TEX14: variants seen among roughly 807,000 people sequenced by gnomAD.
The protein encoded by TEX14 is testis expressed 14, intercellular bridge forming factor, also known as inactive serine/threonine-protein kinase TEX14.
A neutral mutation model predicts 178.6 loss-of-function variants in TEX14; 168 were observed. The observed-to-expected ratio is 0.94, with a 90% CI of 0.83 to 1.07. The LOEUF (loss-of-function observed/expected upper bound fraction) is 1.07, where lower values mean the gene tolerates loss of function less well. TEX14 is among the 50% of genes least tolerant of loss of function. The probability of loss-of-function intolerance (pLI) is 0.00; values close to 1 mark genes in which losing one functional copy is unlikely to be tolerated. For missense variants in TEX14, 1,730 were observed against 1,753.6 expected, an observed-to-expected ratio of 0.99 and a Z score of 0.24; for synonymous variants, 626 against 634.1, an observed-to-expected ratio of 0.99 and a Z score of 0.19.
intron 1 of TEX14, among the ~76,000 whole-genome samples, chr17:58,672,590 G>C (rs1186565021): frequency 6.6e-6 from 1 of 151,748 alleles, no homozygotes; most frequent in African/African-American, 2.4e-5. Context: ...CGCGCCACCA[G>C]GCCCAGCTAA....
rs752487976 is a variant in TEX14, at chr17:58,630,500, G to A, written c.191C>T (p.Ala64Val). 6.8e-6 allele frequency: 11 copies of A among 1,613,870 alleles called. No homozygotes were observed. Among genetic ancestry groups the A allele is most frequent in the East Asian group, 2.2e-5 (1 of 44,874 alleles). Residue 64 changes from alanine to valine, a missense_variant, in exon 3 of 32, where the codon GCG becomes GTG. Transcript: ENST00000349033. ...SLGQTALFVA[A>V]LLGLRKFVDV... is the part of the protein sequence containing the mutation. ...AACGAATTTCCTAAGGCCCAATAAC[G>A]CCGCAACAAAAAGTGCTGTTTGGCC...
intron 2 of TEX14, among the ~76,000 whole-genome samples, chr17:58,644,784 G>C (rs1331892024): frequency 6.7e-6 from 1 of 149,296 alleles, no homozygotes; most frequent in Non-Finnish European, 1.5e-5. Context: ...TTGGGATTAT[G>C]GGATTATAGG....
In TEX14 at chr17:58,627,223, C is replaced by T. The variant is rs77760952; in HGVS notation, c.251+3217G>A. ...ACCATATTATGGGCTAGTCTCAATT[C>T]CCTGATCTTGAAAATTAAAGGTTTG... On this transcript the variant is annotated intron_variant, in intron 3 of 31. Coordinates refer to ENST00000349033, the MANE Select transcript of TEX14 (RefSeq NM_031272.5). 5.4e-3 allele frequency among the ~76,000 whole-genome samples: 818 copies of T among 152,186 alleles called. 5 individuals are homozygous for T. The highest frequency in any genetic ancestry group is 0.018 in the African/African-American group (759 of 41,522).
At chr17:58,659,110 A>AC (rs1373071370) in intron 1 of TEX14, among the ~76,000 whole-genome samples, 1 of 152,060 alleles carries the variant, frequency 6.6e-6, no homozygotes, top group African/African-American at 2.4e-5. Context: ...AACACACGCA[A>AC]CAACACACAA....
At chr17:58,598,853 T>C (rs2045356681) in intron 14 of TEX14, 23 bp downstream of exon 14, 3 of 1,557,640 alleles carry the variant, frequency 1.9e-6, no homozygotes, top group Non-Finnish European at 2.6e-6. Context: ...TTTGCCAAAA[T>C]GTCCCCCTTG....
At chr17:58,635,075 T>C (rs1489620418) in intron 2 of TEX14, among the ~76,000 whole-genome samples, 2 of 151,190 alleles carry the variant, frequency 1.3e-5, no homozygotes, top group Non-Finnish European at 2.9e-5. Context: ...GAAGTTGCAG[T>C]GAGCTGAGAT....
chr17:58,601,347 C>T (rs949759873), intron 13 of TEX14, among the ~76,000 whole-genome samples: 1 of 151,980 alleles, frequency 6.6e-6, no homozygotes, highest in East Asian at 1.9e-4. Context: ...ATGGTGAAAC[C>T]CCGTCTCTAC....
intron 30 of TEX14, among the ~76,000 whole-genome samples, chr17:58,559,190 C>T (rs976195080): frequency 3.3e-5 from 5 of 151,928 alleles, no homozygotes; most frequent in Admixed American, 1.3e-4. Context: ...AGCAGCAAAA[C>T]GTCTCCCCAG....
chr17:58,604,081 T>C (rs931453116), intron 11 of TEX14, among the ~76,000 whole-genome samples: 2 of 152,028 alleles, frequency 1.3e-5, no homozygotes, highest in Non-Finnish European at 2.9e-5. Flanking sequence ...GTGTGTTTCA[T>C]AGTTTACTTC....
intron 1 of TEX14, chr17:58,677,742 G>C (rs1467258036): frequency 1.3e-5 from 2 of 152,174 alleles, no homozygotes; most frequent in African/African-American, 4.8e-5. Flanking sequence ...AAAGTGGAAG[G>C]CATGGTTGTT....
intron 1 of TEX14, among the ~76,000 whole-genome samples, chr17:58,683,513 A>G (rs2047536894): frequency 6.6e-6 from 1 of 152,214 alleles, no homozygotes; most frequent in Non-Finnish European, 1.5e-5. Context: ...CTGTAATCCC[A>G]GCACTTTGGG....
At chr17:58,626,243 A>G (rs1008434136) in intron 3 of TEX14, among the ~76,000 whole-genome samples, 1 of 152,174 alleles carries the variant, frequency 6.6e-6, no homozygotes, top group African/African-American at 2.4e-5. Context: ...GGTCCAGTCC[A>G]TCACAGCGTT....
At chr17:58,680,279 G>A (rs765989192) in intron 1 of TEX14, among the ~76,000 whole-genome samples, 19 of 151,970 alleles carry the variant, frequency 1.3e-4, no homozygotes, top group Non-Finnish European at 2.5e-4. Flanking sequence ...CATGAAATTT[G>A]GTAAAATTAT....
intron 1 of TEX14, among the ~76,000 whole-genome samples, chr17:58,688,412 G>A (rs1308099924): frequency 6.6e-6 from 1 of 152,292 alleles, no homozygotes; most frequent in Non-Finnish European, 1.5e-5. Flanking sequence ...GAGCCACAGT[G>A]TCTGGCCTAA....
chr17:58,648,992 T>C (rs899299793), intron 2 of TEX14, among the ~76,000 whole-genome samples: 8 of 150,728 alleles, frequency 5.3e-5, no homozygotes, highest in African/African-American at 2.0e-4. Flanking sequence ...GGTTTCACCG[T>C]GGTCTCGATC....
intron 2 of TEX14, among the ~76,000 whole-genome samples, chr17:58,633,679 T>A (rs2046370041): frequency 6.6e-6 from 1 of 151,766 alleles, no homozygotes. Flanking sequence ...ACACAAAAAT[T>A]AGCCGGGGGC....
chr17:58,609,122 TTTC>T (rs1156339928), intron 10 of TEX14, among the ~76,000 whole-genome samples: 1 of 152,190 alleles, frequency 6.6e-6, no homozygotes, highest in Non-Finnish European at 1.5e-5. Context: ...CCCTGCTTTT[TTTC>T]TTGAGACAGA....
At chr17:58,644,729 C>T (rs1201358877) in intron 2 of TEX14, among the ~76,000 whole-genome samples, 3 of 148,702 alleles carry the variant, frequency 2.0e-5, no homozygotes, top group Non-Finnish European at 3.0e-5. Flanking sequence ...GCAACCTCCG[C>T]CCCCCCTGGT....
intron 3 of TEX14, among the ~76,000 whole-genome samples, chr17:58,624,709 T>C (rs2046094354): frequency 6.6e-6 from 1 of 152,196 alleles, no homozygotes. Flanking sequence ...CCATCGCTTC[T>C]TGGCCTTTTG....
Sources: allele counts gnomAD v4.1 joint callset (sites outside exome capture counted in the v4.1 genomes callset), GRCh38; gene constraint gnomAD v4.1.1; transcripts MANE v1.5; gene names NCBI Gene and HGNC (gene_info 2026-07-23, HGNC 2026-07-21).